Variants in EPHA3 observed in about 807,000 individuals in gnomAD.
EPHA3 encodes EPH receptor A3, also known as ephrin type-A receptor 3.
A neutral mutation model predicts 107.1 loss-of-function variants in EPHA3; 42 were observed. That is an observed-to-expected ratio of 0.39 (90% confidence interval 0.31 to 0.51). EPHA3 has a LOEUF of 0.51. EPHA3 is among the 20% of genes least tolerant of loss of function. The pLI is 0.78. For missense variants in EPHA3, 1,183 were observed against 1,211.2 expected (o/e 0.98, Z 0.35); for synonymous variants, 461 against 424.8 (o/e 1.09, Z -1.05).
intron 2 of EPHA3, among the ~76,000 whole-genome samples, chr3:89,169,541 T>C (rs1705161835): frequency 6.6e-6 from 1 of 152,208 alleles, no homozygotes; most frequent in South Asian, 2.1e-4. Flanking sequence ...AACTGTTATA[T>C]ATAAACTATT....
At chr3:89,415,493 A>ATATATATATATATATAT (rs1559687639) in intron 10 of EPHA3, among the ~76,000 whole-genome samples, 5 of 93,420 alleles carry the variant, frequency 5.4e-5, no homozygotes, top group African/African-American at 9.1e-5. Flanking sequence ...TATATATATA[A>ATATATATATATATATAT]GCTAATTCTC....
At chr3:89,159,169 T>C (rs1356582950) in intron 2 of EPHA3, among the ~76,000 whole-genome samples, 1 of 152,146 alleles carries the variant, frequency 6.6e-6, no homozygotes, top group Non-Finnish European at 1.5e-5. Flanking sequence ...CTACTAGGCA[T>C]TTTGATAATC....
chr3:89,443,074 C>A (rs1408653697), intron 13 of EPHA3, among the ~76,000 whole-genome samples: 1 of 151,992 alleles, frequency 6.6e-6, no homozygotes, highest in African/African-American at 2.4e-5. Flanking sequence ...ATAAGTCTTA[C>A]CCTTGTGTAA....
At chr3:89,387,968 T>G (rs2107494081) in intron 5 of EPHA3, among the ~76,000 whole-genome samples, 1 of 152,284 alleles carries the variant, frequency 6.6e-6, no homozygotes, top group East Asian at 1.9e-4. Flanking sequence ...TTGTGTATAC[T>G]GTTATCAAAA....
chr3:89,248,716 T>C (rs1053835751), intron 3 of EPHA3, among the ~76,000 whole-genome samples: 4 of 152,284 alleles, frequency 2.6e-5, no homozygotes, highest in African/African-American at 9.6e-5. Context: ...GGCAGGAATT[T>C]GGTTGTGGCA....
intron 5 of EPHA3, among the ~76,000 whole-genome samples, chr3:89,343,830 A>G (rs1476481929): frequency 1.3e-5 from 2 of 152,194 alleles, no homozygotes; most frequent in African/African-American, 2.4e-5. Context: ...TTGGAGCTAG[A>G]TCCCAGACCA....
intron 9 of EPHA3, 63 bp from the exon 10 acceptor site, chr3:89,413,078 T>G: frequency 6.3e-7 from 1 of 1,597,032 alleles, no homozygotes; most frequent in Non-Finnish European, 8.5e-7. Flanking sequence ...GCCATAAAAT[T>G]TGATCTATAA....
chr3:89,392,592 T>G (rs914821682), intron 5 of EPHA3, among the ~76,000 whole-genome samples: 4 of 134,392 alleles, frequency 3.0e-5, no homozygotes, highest in Non-Finnish European at 6.7e-5. Flanking sequence ...AAGTTGAAAG[T>G]TTTTTTTTTC....
At chr3:89,224,411 C>A (rs895454796) in intron 3 of EPHA3, among the ~76,000 whole-genome samples, 4 of 152,114 alleles carry the variant, frequency 2.6e-5, no homozygotes, top group Non-Finnish European at 5.9e-5. Flanking sequence ...TGCCTTGTAT[C>A]AGTTTACCTT....
At position 89,366,667 on chromosome 3, in the gene EPHA3, C is replaced by T. The variant is rs761992517; in HGVS notation, c.1306+24577C>T. 5.3e-5 allele frequency among the ~76,000 whole-genome samples: 8 copies of T among 150,564 alleles called. 1 individual carries two copies. Among genetic ancestry groups the T allele is most frequent in the South Asian group, 2.1e-4 (1 of 4,800 alleles). On this transcript the variant is annotated intron_variant, in intron 5 of 16. Transcript: ENST00000336596. ...GCAATGGATACCTGCTGAGTATAGACGGAGTCAGCTTTGGAATCAAAGCCC... is the reference window on the plus strand; with the variant it reads ...GCAATGGATACCTGCTGAGTATAGATGGAGTCAGCTTTGGAATCAAAGCCC...
At chr3:89,170,669 A>G (rs931765151) in intron 2 of EPHA3, among the ~76,000 whole-genome samples, 2 of 152,202 alleles carry the variant, frequency 1.3e-5, no homozygotes, top group Non-Finnish European at 2.9e-5. Context: ...TCAAATATAA[A>G]TATTTAACCC....
At chr3:89,414,063 C>T (rs769757756) in intron 10 of EPHA3, among the ~76,000 whole-genome samples, 1 of 151,554 alleles carries the variant, frequency 6.6e-6, no homozygotes, top group African/African-American at 2.4e-5. Context: ...CTCCCCAAAG[C>T]AAACATAAAC....
At chr3:89,369,745 G>A (rs867337873) in intron 5 of EPHA3, among the ~76,000 whole-genome samples, 16 of 147,638 alleles carry the variant, frequency 1.1e-4, no homozygotes, top group East Asian at 9.9e-4. Flanking sequence ...GAAAATTTTC[G>A]CAACCTACTC....
intron 2 of EPHA3, among the ~76,000 whole-genome samples, chr3:89,190,094 A>G (rs182979875): frequency 2.9e-4 from 44 of 152,292 alleles, no homozygotes; most frequent in African/African-American, 1.0e-3. Context: ...TAACCATTTT[A>G]TGACTACTTT....
At chr3:89,172,516 T>C (rs1415073278) in intron 2 of EPHA3, among the ~76,000 whole-genome samples, 3 of 152,210 alleles carry the variant, frequency 2.0e-5, no homozygotes, top group Non-Finnish European at 4.4e-5. Context: ...GCTAGGGCTG[T>C]ACTCCTCTGA....
intron 15 of EPHA3, among the ~76,000 whole-genome samples, chr3:89,455,565 TA>T (rs1710079839): frequency 6.6e-6 from 1 of 152,212 alleles, no homozygotes. Context: ...TGATTTGATT[TA>T]TATGACTGCT....
chr3:89,380,971 G>GTTTTTTTTT lies in EPHA3; in HGVS notation c.1307-14863_1307-14862insTTTTTTTTT, dbSNP rs1373969030. Among the ~76,000 whole-genome samples the GTTTTTTTTT allele has an allele frequency of 8.4e-4, 127 of 151,298 alleles. 1 individual carries two copies. Among genetic ancestry groups the GTTTTTTTTT allele is most frequent in the African/African-American group, 3.0e-3 (124 of 40,878 alleles). On this transcript the variant is annotated intron_variant, in intron 5 of 16. Transcript: ENST00000336596. ...TTTTTAACCAAAGCTGCTATAGGCT[G>GTTTTTTTTT]TTTGTTTGTTTCTTTTTTTGAGACA...
chr3:89,174,372 G>T (rs1705275666), intron 2 of EPHA3, among the ~76,000 whole-genome samples: 1 of 151,924 alleles, frequency 6.6e-6, no homozygotes, highest in African/African-American at 2.4e-5. Context: ...TGTAAGTGTG[G>T]TCATTATGAG....
At chr3:89,403,912 A>T (rs2107513504) in intron 7 of EPHA3, among the ~76,000 whole-genome samples, 1 of 152,286 alleles carries the variant, frequency 6.6e-6, no homozygotes, top group African/African-American at 2.4e-5. Context: ...TATAGTAGGT[A>T]CTCACTGTGC....
Sources: gnomAD v4.1 joint callset for allele counts (sites outside exome capture counted in the v4.1 genomes callset) on GRCh38, gnomAD v4.1.1 for gene constraint, MANE v1.5 for transcripts, NCBI Gene and HGNC (gene_info 2026-07-23, HGNC 2026-07-21) for gene names.